Variants in LRP4 observed in about 807,000 individuals in gnomAD.
The protein encoded by LRP4 is LDL receptor related protein 4, also known as low-density lipoprotein receptor-related protein 4.
Under a neutral mutation model 220.3 loss-of-function variants are expected in LRP4, and 95 were observed. That is an observed-to-expected ratio of 0.43 (90% CI 0.37 to 0.51). LRP4 has a LOEUF of 0.51. Ranked by LOEUF, LRP4 falls within the 20% of genes least tolerant of loss-of-function variation. The probability of loss-of-function intolerance (pLI) is 0.00; values close to 1 mark genes in which losing one functional copy is unlikely to be tolerated. For synonymous variants in LRP4, 903 were observed against 954.6 expected, an observed-to-expected ratio of 0.95 and a Z score of 1.00; for missense variants, 1,925 against 2,567.0, an observed-to-expected ratio of 0.75 and a Z score of 5.40.
intron 34 of LRP4, among the ~76,000 whole-genome samples, chr11:46,866,999 G>A (rs1940721201): frequency 2.0e-5 from 3 of 152,116 alleles, no homozygotes; most frequent in Admixed American, 2.0e-4. Flanking sequence ...TCAATTTTAA[G>A]ATGTTTGTTT....
chr11:46,879,084 G>T (rs775447445), intron 21 of LRP4, 42 bp downstream of exon 21: 2 of 1,614,190 alleles, frequency 1.2e-6, no homozygotes, highest in South Asian at 2.2e-5. Flanking sequence ...CTAGGGCATA[G>T]GAGGGCCACG....
In LRP4 at chr11:46,900,288, T is replaced by G. The variant is rs766174802; in HGVS notation, c.290A>C (p.Glu97Ala). 5.0e-6 allele frequency: 8 copies of G among 1,614,066 alleles called. No homozygotes were observed. The Admixed American group carries it at 8.3e-5, about 17-fold the overall frequency. Residue 97 changes from glutamate to alanine, a missense_variant, in exon 3 of 38, where the codon GAG becomes GCG. Physicochemically the swap from Glu to Ala is moderately radical, Grantham distance 107. Transcript: ENST00000378623. ...SWVCDGDNDC[E>A]DDSDEQDCPP... Reference sequence around the variant, plus strand: ...ACAGTCCTGCTCATCCGAGTCATCCTCACAGTCGTTGTCCCCGTCACACAC... The same window carrying G: ...ACAGTCCTGCTCATCCGAGTCATCCGCACAGTCGTTGTCCCCGTCACACAC...
At chr11:46,896,159 T>C (rs1486321261) in intron 9 of LRP4, 51 bp downstream of exon 9, 4 of 1,611,182 alleles carry the variant, frequency 2.5e-6, no homozygotes, top group African/African-American at 1.3e-5. Context: ...ACCCTATGGG[T>C]GGGGTTCGGC....
At chr11:46,885,809 A>T (rs1012962588) in intron 18 of LRP4, among the ~76,000 whole-genome samples, 1 of 152,014 alleles carries the variant, frequency 6.6e-6, no homozygotes, top group Non-Finnish European at 1.5e-5. Context: ...TTACCCAGAA[A>T]GCGATGGAAA....
In LRP4 at chr11:46,877,194, C is replaced by T. The variant is rs374900441; in HGVS notation, c.3277+5G>A. Reference sequence around the variant, plus strand: ...GGCCAGGTGGGAAGAGAGGGCCATACAGACCTTCCTGGGGGTCTACTCCAA... The same window carrying T: ...GGCCAGGTGGGAAGAGAGGGCCATATAGACCTTCCTGGGGGTCTACTCCAA... On this transcript the variant is annotated splice_donor_5th_base_variant and intron_variant, in intron 23 of 37. Coordinates refer to ENST00000378623, the MANE Select transcript of LRP4 (RefSeq NM_002334.4). 5.0e-6 allele frequency: 8 copies of T among 1,613,826 alleles called. No homozygotes were observed. Among genetic ancestry groups the T allele is most frequent in the South Asian group, 4.4e-5 (4 of 91,060 alleles).
At position 46,898,664 on chromosome 11, in the gene LRP4, G is replaced by C; in HGVS notation, c.690C>G (p.Pro230=). 1 of 1,614,156 alleles carries C rather than the reference G, an allele frequency of 6.2e-7. No individual in the cohort carries two copies. Among genetic ancestry groups the C allele is most frequent in the Non-Finnish European group, 8.5e-7 (1 of 1,180,050 alleles). The change falls in exon 7 of 38, where the codon CCC becomes CCG. Residue 230 remains proline, a synonymous_variant. Transcript: ENST00000378623. The part of the protein sequence containing the change: ...SDESDCSSHQ[P]CRSGEFMCDS... ...CACACATGAACTCCCCAGAGCGGCA[G>C]GGCTGGTGGGAGGCTAGGGAAACAC...
intron 1 of LRP4, among the ~76,000 whole-genome samples, chr11:46,903,189 C>A (rs1049561654): frequency 6.6e-6 from 1 of 152,078 alleles, no homozygotes; most frequent in East Asian, 1.9e-4. Flanking sequence ...CCTCTAAGGG[C>A]CCAGAAACAG....
intron 2 of LRP4, among the ~76,000 whole-genome samples, chr11:46,901,265 A>G (rs1244501879): frequency 6.6e-6 from 1 of 152,238 alleles, no homozygotes; most frequent in Non-Finnish European, 1.5e-5. Flanking sequence ...CTAAGAAAAC[A>G]TAAGAAAAAC....
chr11:46,874,881 T>C lies in LRP4; in HGVS notation c.4148A>G (p.Glu1383Gly), dbSNP rs202151304. 1.6e-4 allele frequency: 264 copies of C among 1,614,080 alleles called. No individual in the cohort carries two copies. Among genetic ancestry groups the C allele is most frequent in the Non-Finnish European group, 2.1e-4 (247 of 1,180,046 alleles). The change falls in exon 28 of 38, where the codon GAG becomes GGG. Residue 1383 changes from glutamate to glycine, a missense_variant. This residue lies in a region of LRP4 where 1,244 missense variants were observed against 1,624.9 expected (regional missense o/e 0.77). Transcript: ENST00000378623. The stretch of plus-strand genomic sequence containing the variant: ...GTCCAGGGAGATGACATTGTTGAGC[T>C]CAGGAACAGGGACATGCACATCGGT... ...DHTDVHVPVP[E>G]LNNVISLDYD...
intron 37 of LRP4, among the ~76,000 whole-genome samples, chr11:46,860,142 G>A (rs1940502931): frequency 6.6e-6 from 1 of 151,266 alleles, no homozygotes; most frequent in Non-Finnish European, 1.5e-5. Flanking sequence ...GGCTGAGGCA[G>A]GAGAATCCCT....
chr11:46,885,142 C>T (rs1317546789), intron 18 of LRP4, among the ~76,000 whole-genome samples: 1 of 151,992 alleles, frequency 6.6e-6, no homozygotes, highest in East Asian at 1.9e-4. Flanking sequence ...TGTGCCATTA[C>T]ACCAGGCTAA....
At position 46,890,241 on chromosome 11, in the gene LRP4, G is replaced by T; in HGVS notation, c.1915+36C>A. 1 of 1,610,020 alleles carries T rather than the reference G, an allele frequency of 6.2e-7. No homozygotes were observed. Among genetic ancestry groups the T allele is most frequent in the South Asian group, 1.1e-5 (1 of 90,976 alleles). On this transcript the variant is annotated intron_variant, in intron 14 of 37. Transcript: ENST00000378623. The surrounding 1 kb of genome is among the most constrained non-coding windows in gnomAD (Gnocchi z 5.3). ...TGGGGGGCAGGGACGGGGGCAGGAG[G>T]ACAAGAGATGAAGGAGACTGAAGGA...
chr11:46,871,582 A>G lies in LRP4; in HGVS notation c.4635T>C (p.Asn1545=), dbSNP rs750052078. 3 of 1,613,460 alleles carry G rather than the reference A, an allele frequency of 1.9e-6. No individual in the cohort carries two copies. ...TGACCAAGACCTGCCGCAGTTTCCC[A>G]TTGAGGTCAGCACTCTCGATCCGGT... ...HLDRIESADL[N]GKLRQVLVSH... is the part of the protein sequence containing the mutation. Residue 1545 remains asparagine, a synonymous_variant, in exon 31 of 38, where the codon AAT becomes AAC. Coordinates refer to ENST00000378623, the MANE Select transcript of LRP4 (RefSeq NM_002334.4).
chr11:46,880,260 AG>A, intron 20 of LRP4, among the ~76,000 whole-genome samples: 1 of 148,974 alleles, frequency 6.7e-6, no homozygotes. Context: ...GGATCACCTG[AG>A]CCCAGGTCAG....
chr11:46,887,178 C>T (rs1053179255), intron 16 of LRP4, among the ~76,000 whole-genome samples: 13 of 152,188 alleles, frequency 8.5e-5, no homozygotes, highest in African/African-American at 2.9e-4. Context: ...CACTCCTCTA[C>T]GTAGTTTACT....
intron 12 of LRP4, 52 bp downstream of exon 12, chr11:46,894,537 T>A: frequency 7.1e-7 from 1 of 1,401,516 alleles, no homozygotes; most frequent in Admixed American, 2.0e-5. Flanking sequence ...CTCCCACCGT[T>A]GCTGCGCATG....
Position 46,875,179 on chromosome 11 carries a change from T to G in LRP4, c.3926-76A>C. 4 of 1,472,296 alleles carry G rather than the reference T, an allele frequency of 2.7e-6. No homozygotes were observed. Among genetic ancestry groups the G allele is most frequent in the Non-Finnish European group, 3.7e-6 (4 of 1,075,802 alleles). The allele number at this position is 1,472,296 out of a possible 1,614,324, so 91.2% of individuals were successfully genotyped here. The stretch of plus-strand genomic sequence containing the variant: ...ATCTTACAAAGGTCCCAGTTGTTTG[T>G]GGCTGGCTCTTTGCTGTTCTAAGTG... On this transcript the variant is annotated intron_variant, in intron 27 of 37. Transcript: ENST00000378623. The surrounding 1 kb of genome is among the most constrained non-coding windows in gnomAD (Gnocchi z 4.5).
At chr11:46,915,726 T>A (rs774438518) in intron 1 of LRP4, among the ~76,000 whole-genome samples, 4 of 152,146 alleles carry the variant, frequency 2.6e-5, no homozygotes, top group Non-Finnish European at 5.9e-5. Flanking sequence ...GTATTTTTAG[T>A]AGAGATGGGG....
Position 46,879,221 on chromosome 11 carries a change from C to T in LRP4, c.2909G>A (p.Ser970Asn). ...WTDWQTKSIQ[S>N]ADRLTGLDRE... ...GTCCAGCCCTGTCAGCCGGTCAGCG[C>T]TCTGTATGCTCTTGGTCTGCCAGTC... Residue 970 changes from serine to asparagine, a missense_variant, in exon 21 of 38, where the codon AGC (serine) becomes AAC (asparagine). By Grantham distance (46) the Ser-to-Asn change is conservative (BLOSUM62 1). This residue lies in a region of LRP4 where 1,244 missense variants were observed against 1,624.9 expected (regional missense o/e 0.77). Transcript: ENST00000378623. The T allele has an allele frequency of 6.2e-7, 1 of 1,614,244 alleles. No individual in the cohort carries two copies. Among genetic ancestry groups the T allele is most frequent in the Non-Finnish European group, 8.5e-7 (1 of 1,180,054 alleles).
Sources: allele counts gnomAD v4.1 joint callset (sites outside exome capture counted in the v4.1 genomes callset), GRCh38; gene constraint gnomAD v4.1.1; regional missense constraint gnomAD v4.1.1; non-coding constraint Gnocchi (gnomAD v3.1); transcripts MANE v1.5; gene names NCBI Gene and HGNC (gene_info 2026-07-23, HGNC 2026-07-21).